The following TNS3 variants were observed in gnomAD, a reference collection of about 807,000 sequenced individuals.
TNS3 encodes tensin-3.
In TNS3, 45 loss-of-function variants were observed where a neutral mutation model predicts 140.9. The ratio of observed to expected loss-of-function variants is 0.32; its 90% CI spans 0.25 to 0.41. The LOEUF (loss-of-function observed/expected upper bound fraction) is 0.41, where lower values mean the gene tolerates loss of function less well. Ranked by LOEUF, TNS3 falls within the 10% of genes least tolerant of loss-of-function variation. The probability of loss-of-function intolerance (pLI) is 1.00; values close to 1 mark genes in which losing one functional copy is unlikely to be tolerated. For missense variants in TNS3, 1,716 were observed against 1,906.7 expected, an observed-to-expected ratio of 0.90 and a Z score of 1.86; for synonymous variants, 815 against 788.4, an observed-to-expected ratio of 1.03 and a Z score of -0.56.
At position 47,428,287 on chromosome 7, in the gene TNS3, C is replaced by G. The variant is rs762251176; in HGVS notation, c.389+25G>C. ...AGGCCCAGCTTTTAGCACCTCAAGA[C>G]AGCGAGCTGACATCTTCATCCTACC... is the stretch of plus-strand genomic sequence containing the variant. On this transcript the variant is annotated intron_variant, in intron 9 of 30. Transcript: ENST00000311160. The G allele has an allele frequency of 1.1e-5, 16 of 1,401,810 alleles. No individual in the cohort carries two copies. The East Asian group carries it at 4.1e-4, about 36-fold the overall frequency. 86.8% of individuals were successfully genotyped at this position (1,401,810 alleles called of 1,614,324 possible).
intron 20 of TNS3, among the ~76,000 whole-genome samples, chr7:47,307,857 T>G (rs1786850282): frequency 1.3e-5 from 2 of 152,212 alleles, no homozygotes; most frequent in Non-Finnish European, 2.9e-5. Context: ...AAGTCCCTTA[T>G]CATATATATG....
At chr7:47,436,878 T>C (rs935020579) in intron 7 of TNS3, among the ~76,000 whole-genome samples, 1 of 152,170 alleles carries the variant, frequency 6.6e-6, no homozygotes, top group Non-Finnish European at 1.5e-5. Context: ...ATTTGTTCTA[T>C]ACATATATAT....
intron 20 of TNS3, among the ~76,000 whole-genome samples, chr7:47,308,453 G>T (rs548811711): frequency 6.6e-6 from 1 of 152,058 alleles, no homozygotes; most frequent in Admixed American, 6.5e-5. Context: ...CATTAGTTTT[G>T]TTTTGCTTTC....
At chr7:47,565,221 G>A (rs1358840869) in intron 1 of TNS3, among the ~76,000 whole-genome samples, 13 of 151,818 alleles carry the variant, frequency 8.6e-5, no homozygotes, top group Non-Finnish European at 1.6e-4. Flanking sequence ...GGGACTACAG[G>A]CGCCCACCAC....
Position 47,280,187 on chromosome 7 carries a change from C to A in TNS3, c.4170G>T (p.Trp1390Cys). Residue 1390 changes from tryptophan to cysteine, a missense_variant, in exon 30 of 31, where the codon TGG becomes TGT. Physicochemically the swap from Trp to Cys is radical, Grantham distance 215 (BLOSUM62 -2). Transcript: ENST00000311160. ...FCALDPQDRK[W>C]IKDGPSSKVF... is the part of the protein sequence containing the mutation. Reference sequence around the variant, plus strand: ...ACTTTGAGGAAGGGCCATCTTTGATCCACCTTGCAAATTAAAGAGAAAAAC... The same window carrying A: ...ACTTTGAGGAAGGGCCATCTTTGATACACCTTGCAAATTAAAGAGAAAAAC... The A allele has an allele frequency of 5.0e-6, 8 of 1,614,108 alleles. No individual in the cohort carries two copies. The highest frequency in any genetic ancestry group is 6.8e-6 in the Non-Finnish European group (8 of 1,180,016).
intron 20 of TNS3, among the ~76,000 whole-genome samples, chr7:47,336,331 T>C (rs567296682): frequency 2.0e-5 from 3 of 152,246 alleles, no homozygotes; most frequent in African/African-American, 7.2e-5. Context: ...AAGCTGCCAA[T>C]GTGCTGTCAG....
At chr7:47,360,406 A>C (rs1312480566) in intron 17 of TNS3, among the ~76,000 whole-genome samples, 1 of 152,146 alleles carries the variant, frequency 6.6e-6, no homozygotes, top group Non-Finnish European at 1.5e-5. Context: ...ATGGAGAAAA[A>C]GCCTTGTTTT....
At chr7:47,377,552 A>G (rs1791471915) in intron 16 of TNS3, among the ~76,000 whole-genome samples, 1 of 152,170 alleles carries the variant, frequency 6.6e-6, no homozygotes, top group Non-Finnish European at 1.5e-5. Flanking sequence ...TCAGACTACT[A>G]TATACTAAAC....
At chr7:47,362,371 C>T (rs1238742376) in intron 17 of TNS3, among the ~76,000 whole-genome samples, 8 of 152,092 alleles carry the variant, frequency 5.3e-5, no homozygotes, top group Non-Finnish European at 8.8e-5. Context: ...GGCAGGGCTA[C>T]TCTACACTGT....
At chr7:47,506,085 C>G (rs975731141) in intron 3 of TNS3, among the ~76,000 whole-genome samples, 4 of 152,216 alleles carry the variant, frequency 2.6e-5, no homozygotes, top group Non-Finnish European at 5.9e-5. Context: ...TTCCCTGGAC[C>G]TACAGCCATG....
intron 20 of TNS3, among the ~76,000 whole-genome samples, chr7:47,337,074 A>G (rs1349779418): frequency 6.6e-6 from 1 of 152,120 alleles, no homozygotes; most frequent in Non-Finnish European, 1.5e-5. Context: ...TTTGTGTCTA[A>G]GTCCCTGGCC....
intron 2 of TNS3, among the ~76,000 whole-genome samples, chr7:47,519,959 G>A (rs569682836): frequency 1.3e-5 from 2 of 151,642 alleles, no homozygotes; most frequent in African/African-American, 4.8e-5. Context: ...GAGTAGCTGG[G>A]ACTACAGGCG....
At chr7:47,475,714 G>A (rs764401837) in intron 4 of TNS3, among the ~76,000 whole-genome samples, 23 of 152,152 alleles carry the variant, frequency 1.5e-4, no homozygotes, top group Non-Finnish European at 2.8e-4. Flanking sequence ...GGTAAACACA[G>A]GATGGAAAAA....
At chr7:47,439,689 A>G in intron 5 of TNS3, 31 bp from the exon 6 acceptor site, 1 of 1,607,380 alleles carries the variant, frequency 6.2e-7, no homozygotes, top group Middle Eastern at 1.7e-4. Flanking sequence ...GATCAGAAAC[A>G]GGGTAAGGAG....
In TNS3 at chr7:47,346,237, C is replaced by T. The variant is rs1432678136; in HGVS notation, c.2401G>A (p.Asp801Asn). Residue 801 changes from aspartate to asparagine, a missense_variant, in exon 18 of 31, where the codon GAC becomes AAC. Transcript: ENST00000311160. Reference protein sequence around the residue: ...SKCAWGKAGVDYAPNLPPFPS... With the variant: ...SKCAWGKAGVNYAPNLPPFPS... Reference sequence around the variant, plus strand: ...AATGGCGGCAGGTTTGGGGCATAGTCCACACCAGCCTTTCCCCATGCACAT... The same window carrying T: ...AATGGCGGCAGGTTTGGGGCATAGTTCACACCAGCCTTTCCCCATGCACAT... The T allele has an allele frequency of 1.9e-6, 3 of 1,614,192 alleles. No homozygotes were observed. Among genetic ancestry groups the T allele is most frequent in the Non-Finnish European group, 2.5e-6 (3 of 1,180,036 alleles).
Position 47,276,629 on chromosome 7 carries a change from T to G in TNS3, c.*1447A>C, listed in dbSNP as rs1411592970. Reference sequence around the variant, plus strand: ...TGTGGCCCAGCTCCATCTTTCACTCTGGGGATGTTCCAGGGTCACAAATTC... The same window carrying G: ...TGTGGCCCAGCTCCATCTTTCACTCGGGGGATGTTCCAGGGTCACAAATTC... On this transcript the variant is annotated 3_prime_UTR_variant, in exon 31 of 31. Coordinates refer to ENST00000311160, the MANE Select transcript of TNS3 (RefSeq NM_022748.12). 6.6e-6 allele frequency: 1 copy of G among 152,274 alleles called. No individual in the cohort carries two copies. The highest frequency in any genetic ancestry group is 1.5e-5 in the Non-Finnish European group (1 of 68,098). 9.4% of individuals were successfully genotyped at this position (152,274 alleles called of 1,614,324 possible).
intron 3 of TNS3, among the ~76,000 whole-genome samples, chr7:47,504,087 A>G (rs1036600494): frequency 6.6e-6 from 1 of 152,224 alleles, no homozygotes; most frequent in Non-Finnish European, 1.5e-5. Context: ...TTCAGGAGAC[A>G]AAAAGCCCCA....
Position 47,316,094 on chromosome 7 carries a change from T to TTCTCTCTCTC in TNS3, c.2651-11101_2651-11092dup, listed in dbSNP as rs56939479. On this transcript the variant is annotated intron_variant, in intron 20 of 30. Coordinates refer to ENST00000311160, the MANE Select transcript of TNS3 (RefSeq NM_022748.12). ...TGAGACTATCCACCTAACTAACTAT[T>TTCTCTCTCTC]TCTCTCTCTCTCTCTCTCTCTCTCT... Among the ~76,000 whole-genome samples the TTCTCTCTCTC allele has an allele frequency of 3.5e-4, 37 of 105,864 alleles. 1 individual carries two copies. Among genetic ancestry groups the TTCTCTCTCTC allele is most frequent in the Non-Finnish European group, 4.5e-4 (23 of 50,700 alleles). The allele number at this position is 105,864 out of a possible 152,430, so 69.5% of individuals were successfully genotyped here. A position where few individuals can be genotyped will look rare whatever the true frequency, so the allele number is the denominator to read the frequency against.
chr7:47,478,995 T>C (rs1797310370), intron 4 of TNS3, among the ~76,000 whole-genome samples: 1 of 152,080 alleles, frequency 6.6e-6, no homozygotes, highest in African/African-American at 2.4e-5. Context: ...CAGGCTGGGC[T>C]AGAAGAGCGA....
Sources: allele counts gnomAD v4.1 joint callset (sites outside exome capture counted in the v4.1 genomes callset), GRCh38; gene constraint gnomAD v4.1.1; transcripts MANE v1.5; gene names NCBI Gene and HGNC (gene_info 2026-07-23, HGNC 2026-07-21).